Variants in STRBP observed in about 807,000 individuals in gnomAD.
STRBP encodes the protein spermatid perinuclear RNA-binding protein.
A neutral mutation model predicts 80.1 loss-of-function variants in STRBP; 13 were observed. That is an observed-to-expected ratio of 0.16 (90% CI 0.11 to 0.26). The LOEUF (loss-of-function observed/expected upper bound fraction) is 0.26, where lower values mean the gene tolerates loss of function less well. STRBP is among the 10% of genes least tolerant of loss of function. The pLI is 1.00. For synonymous variants in STRBP, 284 were observed against 291.2 expected (o/e 0.98, Z 0.25); for missense variants, 485 against 815.2 (o/e 0.59, Z 4.93).
chr9:123,209,329 T>C (rs1227781241), intron 2 of STRBP, among the ~76,000 whole-genome samples: 2 of 152,138 alleles, frequency 1.3e-5, no homozygotes, highest in East Asian at 3.8e-4. Flanking sequence ...AACAAATACT[T>C]ACTAAGCATC....
chr9:123,165,741 T>C (rs990127024), intron 6 of STRBP, among the ~76,000 whole-genome samples: 4 of 152,040 alleles, frequency 2.6e-5, no homozygotes, highest in Admixed American at 2.6e-4. Context: ...TCCTAGACAA[T>C]AATGGGAAGT....
chr9:123,122,405 G>A lies in STRBP; in HGVS notation c.*3192C>T. ...TCCCAGCTCTTCAATTAATAATGGT[G>A]GCTGATTCATGATTTTCAAACATTC... On this transcript the variant is annotated 3_prime_UTR_variant, in exon 19 of 19. Coordinates refer to ENST00000348403, the MANE Select transcript of STRBP (RefSeq NM_018387.5). 8.2e-7 allele frequency: 1 copy of A among 1,220,498 alleles called. No homozygotes were observed. Among genetic ancestry groups the A allele is most frequent in the Non-Finnish European group, 1.0e-6 (1 of 958,074 alleles). The allele number at this position is 1,220,498 out of a possible 1,614,324, so 75.6% of individuals were successfully genotyped here.
At chr9:123,158,582 A>G (rs2037391973) in intron 9 of STRBP, among the ~76,000 whole-genome samples, 153 bp from the exon 10 acceptor site, 2 of 152,106 alleles carry the variant, frequency 1.3e-5, no homozygotes, top group African/African-American at 4.8e-5. Context: ...GTGGAGTAAA[A>G]AGGACACACT....
intron 6 of STRBP, among the ~76,000 whole-genome samples, chr9:123,165,743 A>G (rs2037729264): frequency 6.6e-6 from 1 of 152,146 alleles, no homozygotes; most frequent in African/African-American, 2.4e-5. Flanking sequence ...CTAGACAATA[A>G]TGGGAAGTGG....
At chr9:123,197,667 C>CTTTTTTTTTTTTTTTTTTTTTTTTTTTT (rs71388358) in intron 2 of STRBP, among the ~76,000 whole-genome samples, 1 of 87,364 alleles carries the variant, frequency 1.1e-5, no homozygotes, top group Non-Finnish European at 2.0e-5. Flanking sequence ...AAACATATTT[C>CTTTTTTTTTTTTTTTTTTTTTTTTTTTT]TTTTTTTTTT....
At chr9:123,113,285 C>G (rs1048939601) in intron 3 of STRBP, 1 of 167,352 alleles carries the variant, frequency 6.0e-6, no homozygotes, top group Non-Finnish European at 1.5e-5. Flanking sequence ...CAGTCCACAC[C>G]CCTGAGCCTG....
intron 2 of STRBP, among the ~76,000 whole-genome samples, chr9:123,204,791 G>A (rs2039454105): frequency 6.6e-6 from 1 of 151,760 alleles, no homozygotes; most frequent in African/African-American, 2.4e-5. Flanking sequence ...AGGCATGGTG[G>A]CGGATGCCTG....
intron 4 of STRBP, among the ~76,000 whole-genome samples, chr9:123,176,007 C>G (rs2038202995): frequency 6.6e-6 from 1 of 152,180 alleles, no homozygotes; most frequent in Non-Finnish European, 1.5e-5. Context: ...GGACAAATTT[C>G]AAATAACTTG....
intron 6 of STRBP, among the ~76,000 whole-genome samples, chr9:123,161,467 C>T (rs1192333690): frequency 1.3e-5 from 2 of 152,032 alleles, no homozygotes; most frequent in African/African-American, 4.8e-5. Context: ...ATTTTTTTAA[C>T]AGAAGAAATT....
chr9:123,141,090 T>G (rs899652692), intron 13 of STRBP, among the ~76,000 whole-genome samples: 4 of 152,226 alleles, frequency 2.6e-5, no homozygotes, highest in African/African-American at 9.6e-5. Flanking sequence ...TCATATTTCT[T>G]TATAGTAACA....
rs1449723921 is a variant in STRBP, at chr9:123,115,985, G to C, written c.*28C>G. The stretch of plus-strand genomic sequence containing the variant: ...TCCTCTTCACCAGCCTTAACCTTCT[G>C]GTCCTTCCATCTCATTTCAAGGTGC... On this transcript the variant is annotated 3_prime_UTR_variant and NMD_transcript_variant, in exon 3 of 4. Coordinates refer to the STRBP transcript ENST00000471564. This position sits in a 1 kb window ranked among gnomAD's most constrained non-coding sequence, Gnocchi z 5.0. The C allele has an allele frequency of 8.8e-6, 4 of 456,184 alleles. No homozygotes were observed. Among genetic ancestry groups the C allele is most frequent in the Admixed American group, 2.3e-5 (1 of 42,570 alleles). The allele number at this position is 456,184 out of a possible 1,614,324, so 28.3% of individuals were successfully genotyped here.
intron 13 of STRBP, among the ~76,000 whole-genome samples, chr9:123,142,438 T>C (rs1431334970): frequency 6.6e-6 from 1 of 152,180 alleles, no homozygotes; most frequent in Admixed American, 6.5e-5. Flanking sequence ...ATTAAACCTA[T>C]TTCCTTTATA....
At chr9:123,120,294 T>C (rs1047062003), downstream of STRBP, among the ~76,000 whole-genome samples, 1 of 151,582 alleles carries the variant, frequency 6.6e-6, no homozygotes, top group African/African-American at 2.4e-5. Context: ...GAGTATGAGT[T>C]TGAATACACA....
chr9:123,256,018 C>CTTTTTTTTTTTT (rs11338372), intron 1 of STRBP, among the ~76,000 whole-genome samples: 7 of 71,484 alleles, frequency 9.8e-5, no homozygotes, highest in Admixed American at 1.7e-4. Flanking sequence ...TCCTTTCTTT[C>CTTTTTTTTTTTT]TTTTTTTTTT....
chr9:123,235,847 G>T (rs1438013313), intron 2 of STRBP, among the ~76,000 whole-genome samples: 1 of 152,044 alleles, frequency 6.6e-6, no homozygotes, highest in African/African-American at 2.4e-5. Flanking sequence ...AAACTTCCAA[G>T]AAAAATAATC....
At chr9:123,260,205 G>C (rs1286558572) in intron 1 of STRBP, among the ~76,000 whole-genome samples, 1 of 152,080 alleles carries the variant, frequency 6.6e-6, no homozygotes, top group Non-Finnish European at 1.5e-5. Flanking sequence ...GAGAGAGAGA[G>C]ACATCATTTC....
intron 2 of STRBP, among the ~76,000 whole-genome samples, chr9:123,235,902 A>G (rs567007642): frequency 1.3e-5 from 2 of 152,328 alleles, no homozygotes; most frequent in South Asian, 4.1e-4. Context: ...TTCTATTAAA[A>G]TAGGAATGTG....
intron 13 of STRBP, among the ~76,000 whole-genome samples, chr9:123,142,112 G>A (rs571428092): frequency 6.6e-6 from 1 of 152,140 alleles, no homozygotes; most frequent in Non-Finnish European, 1.5e-5. Context: ...ATCCCCCATT[G>A]ATATGGTTTG....
intron 18 of STRBP, among the ~76,000 whole-genome samples, chr9:123,127,330 C>G (rs938468515): frequency 1.3e-5 from 2 of 152,208 alleles, no homozygotes; most frequent in Non-Finnish European, 2.9e-5. Flanking sequence ...AATGCCAAAA[C>G]TGGCAATACA....
Sources: allele counts gnomAD v4.1 joint callset (sites outside exome capture counted in the v4.1 genomes callset), GRCh38; gene constraint gnomAD v4.1.1; non-coding constraint Gnocchi (gnomAD v3.1); transcripts MANE v1.5; gene names NCBI Gene and HGNC (gene_info 2026-07-23, HGNC 2026-07-21).